OSBPL6: variants seen among roughly 807,000 people sequenced by gnomAD.
OSBPL6 encodes oxysterol binding protein like 6.
Under a neutral mutation model 125.8 loss-of-function variants are expected in OSBPL6, and 49 were observed. The ratio of observed to expected loss-of-function variants is 0.39; its 90% CI spans 0.31 to 0.49. The LOEUF (loss-of-function observed/expected upper bound fraction) is 0.49. OSBPL6 is among the 20% of genes least tolerant of loss of function. The probability of loss-of-function intolerance (pLI) is 0.88; values close to 1 mark genes in which losing one functional copy is unlikely to be tolerated. For synonymous variants in OSBPL6, 394 were observed against 391.8 expected, an observed-to-expected ratio of 1.01 and a Z score of -0.07; for missense variants, 986 against 1,135.4, an observed-to-expected ratio of 0.87 and a Z score of 1.89.
At chr2:178,198,363 C>T (rs566824032) in intron 1 of OSBPL6, among the ~76,000 whole-genome samples, 3 of 151,802 alleles carry the variant, frequency 2.0e-5, no homozygotes, top group South Asian at 4.1e-4. Context: ...AATGCAGTGG[C>T]GCAATCTTGG....
upstream of OSBPL6, among the ~76,000 whole-genome samples, chr2:178,193,884 C>T (rs900104016): frequency 6.6e-6 from 1 of 152,180 alleles, no homozygotes; most frequent in Non-Finnish European, 1.5e-5. Flanking sequence ...TTCTCTGGGC[C>T]CGGGAAGTTT....
At chr2:178,328,518 C>A (rs1688901369) in intron 5 of OSBPL6, 140 bp downstream of exon 5, 2 of 982,602 alleles carry the variant, frequency 2.0e-6, no homozygotes, top group Non-Finnish European at 2.9e-6. Flanking sequence ...GACAGATTCT[C>A]ACTCTGTTAC....
At chr2:178,219,091 A>G (rs146836757) in intron 1 of OSBPL6, among the ~76,000 whole-genome samples, 2 of 152,220 alleles carry the variant, frequency 1.3e-5, no homozygotes, top group African/African-American at 4.8e-5. Flanking sequence ...GAAGGATTCT[A>G]GATGTAATCC....
intron 1 of OSBPL6, among the ~76,000 whole-genome samples, chr2:178,278,639 A>G (rs556819882): frequency 6.6e-6 from 1 of 152,346 alleles, no homozygotes; most frequent in East Asian, 1.9e-4. Context: ...TGAAATTTGT[A>G]TATTTCATCT....
intron 1 of OSBPL6, among the ~76,000 whole-genome samples, chr2:178,213,218 CT>C (rs1245492828): frequency 6.6e-6 from 1 of 152,068 alleles, no homozygotes; most frequent in Admixed American, 6.5e-5. Context: ...TCACTCCATA[CT>C]GCCTCCCTGC....
intron 1 of OSBPL6, chr2:178,230,290 G>A (rs1289839413): frequency 6.6e-6 from 1 of 152,194 alleles, no homozygotes; most frequent in African/African-American, 2.4e-5. Context: ...GTGAGATGGT[G>A]GAGGAAGTTG....
chr2:178,207,803 T>C (rs1051340862), intron 1 of OSBPL6, among the ~76,000 whole-genome samples: 4 of 152,156 alleles, frequency 2.6e-5, no homozygotes, highest in Admixed American at 1.3e-4. Context: ...ATGTACAAGA[T>C]ATTTTTCTAA....
chr2:178,278,392 T>C (rs1033203572), intron 1 of OSBPL6, among the ~76,000 whole-genome samples: 4 of 152,226 alleles, frequency 2.6e-5, no homozygotes, highest in African/African-American at 7.2e-5. Context: ...AGATCCTCTT[T>C]AGAGTCTGGT....
Position 178,395,904 on chromosome 2 carries a change from T to C in OSBPL6, c.*345T>C, listed in dbSNP as rs879599555. The stretch of plus-strand genomic sequence containing the variant: ...AATGGTAACTGGTGCTTAAAGCTGA[T>C]CAAGAAAGTTAACAACAACATAGAA... On this transcript the variant is annotated 3_prime_UTR_variant, in exon 25 of 25. Coordinates refer to ENST00000190611, the MANE Select transcript of OSBPL6 (RefSeq NM_032523.4). 5 of 404,800 alleles carry C rather than the reference T, an allele frequency of 1.2e-5. No individual in the cohort carries two copies. The Admixed American group carries it at 1.8e-4, about 14-fold the overall frequency. 25.1% of individuals were successfully genotyped at this position (404,800 alleles called of 1,614,324 possible).
chr2:178,349,777 T>G (rs938147385), intron 12 of OSBPL6, among the ~76,000 whole-genome samples: 2 of 152,248 alleles, frequency 1.3e-5, no homozygotes, highest in African/African-American at 4.8e-5. Context: ...ACTTTACAAT[T>G]TGTGGGTCGG....
chr2:178,198,066 T>C (rs1469963432), intron 1 of OSBPL6, among the ~76,000 whole-genome samples: 1 of 152,138 alleles, frequency 6.6e-6, no homozygotes, highest in Non-Finnish European at 1.5e-5. Context: ...TTTCCAACAG[T>C]GAACCACTCA....
At chr2:178,228,312 T>G (rs554431857) in intron 1 of OSBPL6, among the ~76,000 whole-genome samples, 2,980 of 152,192 alleles carry the variant, frequency 0.02, 64 homozygotes, top group Non-Finnish European at 0.027. Flanking sequence ...AAGGTGGGCA[T>G]ATCATGAGGT....
intron 3 of OSBPL6, among the ~76,000 whole-genome samples, chr2:178,312,654 C>T (rs1687393588): frequency 6.6e-6 from 1 of 151,832 alleles, no homozygotes; most frequent in Admixed American, 6.6e-5. Context: ...TGGGGTTTCA[C>T]TACGTTTGCC....
At chr2:178,339,501 A>T (rs1444058487) in intron 10 of OSBPL6, among the ~76,000 whole-genome samples, 171 bp from the exon 11 acceptor site, 1 of 152,138 alleles carries the variant, frequency 6.6e-6, no homozygotes, top group African/African-American at 2.4e-5. Flanking sequence ...TTAAGTTCTT[A>T]TCTCTGCTTT....
chr2:178,366,561 C>T (rs573898921), intron 13 of OSBPL6, among the ~76,000 whole-genome samples: 1 of 152,264 alleles, frequency 6.6e-6, no homozygotes, highest in South Asian at 2.1e-4. Context: ...TGACACGGTG[C>T]TTCAGAGGCG....
chr2:178,205,943 A>G (rs1359092913), intron 1 of OSBPL6, among the ~76,000 whole-genome samples: 2 of 152,230 alleles, frequency 1.3e-5, no homozygotes, highest in Non-Finnish European at 2.9e-5. Context: ...GCAAAAAAGT[A>G]TTAATTTTGC....
intron 23 of OSBPL6, among the ~76,000 whole-genome samples, chr2:178,392,779 C>T (rs1695523128): frequency 6.7e-6 from 1 of 149,980 alleles, no homozygotes; most frequent in East Asian, 2.0e-4. Flanking sequence ...GAGGATCGCT[C>T]GAGCCTAGGA....
rs371691095 is a variant in OSBPL6, at chr2:178,260,401, A to G, written c.-350-24526A>G. 7.2e-5 allele frequency among the ~76,000 whole-genome samples: 9 copies of G among 124,558 alleles called. No individual in the cohort carries two copies. The South Asian group carries it at 1.8e-3, about 26-fold the overall frequency. The allele number at this position is 124,558 out of a possible 152,430, so 81.7% of individuals were successfully genotyped here. On this transcript the variant is annotated intron_variant, in intron 1 of 24. Coordinates refer to ENST00000190611, the MANE Select transcript of OSBPL6 (RefSeq NM_032523.4). ...TATATGTGTATGTGTATGTGTATGT[A>G]TATGTATATGTGTATGTATGTGTCT...
In OSBPL6 at chr2:178,394,342, C is replaced by T; in HGVS notation, c.2603C>T (p.Ala868Val). 1 of 1,613,420 alleles carries T rather than the reference C, an allele frequency of 6.2e-7. No homozygotes were observed. The highest frequency in any genetic ancestry group is 8.5e-7 in the Non-Finnish European group (1 of 1,179,794). Residue 868 changes from alanine (A) to valine (V), a missense_variant, in exon 24 of 25, where the codon GCA becomes GTA. Coordinates refer to ENST00000190611, the MANE Select transcript of OSBPL6 (RefSeq NM_032523.4). The stretch of plus-strand genomic sequence containing the variant: ...TTGGAAGAAGGAAATTTAGAAGCTG[C>T]AGCATCAGAGAAGCAAAGAGTAGAG... ...RFLEEGNLEA[A>V]ASEKQRVEEL... is the part of the protein sequence containing the mutation.
Sources: allele counts gnomAD v4.1 joint callset (sites outside exome capture counted in the v4.1 genomes callset), GRCh38; gene constraint gnomAD v4.1.1; transcripts MANE v1.5; gene names NCBI Gene and HGNC (gene_info 2026-07-23, HGNC 2026-07-21).